The following CAMTA1 variants were observed in gnomAD, a reference collection of about 807,000 sequenced individuals.
The protein encoded by CAMTA1 is calmodulin-binding transcription activator 1.
Under a neutral mutation model 170.9 loss-of-function variants are expected in CAMTA1, and 27 were observed. That is an observed-to-expected ratio of 0.16 (90% CI 0.12 to 0.22). The LOEUF (loss-of-function observed/expected upper bound fraction) is 0.22, where lower values mean the gene tolerates loss of function less well. CAMTA1 is among the 10% of genes least tolerant of loss of function. CAMTA1 has a pLI of 1.00. For missense variants in CAMTA1, 1,619 were observed against 2,217.2 expected (o/e 0.73, Z 5.42); for synonymous variants, 833 against 891.5 (o/e 0.93, Z 1.17).
At chr1:7,648,725 C>G (rs1467360558) in intron 7 of CAMTA1, among the ~76,000 whole-genome samples, 3 of 152,232 alleles carry the variant, frequency 2.0e-5, no homozygotes, top group Admixed American at 6.5e-5. Context: ...AAAGCCTGAG[C>G]AGAGACAATG....
At chr1:7,100,549 A>G (rs1642596292) in intron 4 of CAMTA1, among the ~76,000 whole-genome samples, 1 of 152,194 alleles carries the variant, frequency 6.6e-6, no homozygotes, top group South Asian at 2.1e-4. Context: ...GCAGAAAGAA[A>G]TGCCTCAAAG....
rs1221645203 is a variant in CAMTA1 at position 6,898,394 on chromosome 1, A to G, written c.234+73184A>G. On this transcript the variant is annotated intron_variant, in intron 3 of 22. Transcript: ENST00000303635. ...CGGTGAAACCCCGTCTCTACTAAAA[A>G]TAGAAAAAATTAGCTGGGCATGGTG... Among the ~76,000 whole-genome samples the G allele has an allele frequency of 3.3e-5, 5 of 152,260 alleles. No individual in the cohort carries two copies. The East Asian group carries it at 9.7e-4, about 29-fold the overall frequency.
chr1:7,483,749 A>G (rs186498006), intron 6 of CAMTA1, among the ~76,000 whole-genome samples: 40 of 152,138 alleles, frequency 2.6e-4, no homozygotes, highest in Middle Eastern at 6.8e-3. Flanking sequence ...GGGAAACCTC[A>G]CCTTCCTGCA....
chr1:7,731,614 G>C (rs1215973998), intron 11 of CAMTA1, among the ~76,000 whole-genome samples: 2 of 151,234 alleles, frequency 1.3e-5, no homozygotes, highest in Non-Finnish European at 2.9e-5. Context: ...GGCTGAGTAC[G>C]GTGGTTCACA....
At chr1:7,721,348 A>T (rs1056320900) in intron 11 of CAMTA1, among the ~76,000 whole-genome samples, 2 of 152,216 alleles carry the variant, frequency 1.3e-5, no homozygotes, top group Non-Finnish European at 2.9e-5. Flanking sequence ...CAGCTTCCTC[A>T]TCCGAAAATG....
At chr1:6,815,309 A>G (rs1303463052) in intron 1 of CAMTA1, among the ~76,000 whole-genome samples, 2 of 151,976 alleles carry the variant, frequency 1.3e-5, no homozygotes, top group African/African-American at 4.8e-5. Context: ...GGCTCAAGCA[A>G]TCCGCCTGCC....
rs1165096217 is a variant in CAMTA1, at chr1:7,685,192, T to C, written c.2914+7459T>C. Among the ~76,000 whole-genome samples, 1 of 152,152 alleles carries C rather than the reference T, an allele frequency of 6.6e-6. No homozygotes were observed. The highest frequency in any genetic ancestry group is 6.5e-5 in the Admixed American group (1 of 15,282). On this transcript the variant is annotated intron_variant, in intron 11 of 22. Coordinates refer to ENST00000303635, the MANE Select transcript of CAMTA1 (RefSeq NM_015215.4). This position sits in a 1 kb window ranked among gnomAD's most constrained non-coding sequence, Gnocchi z 5.7. ...CACAGGTGGTGTGTTTTAAGGAGCA[T>C]CACAGGAAGTACAGTTCCGTTCAGT...
chr1:7,419,405 C>T (rs2091413127), intron 5 of CAMTA1, among the ~76,000 whole-genome samples: 1 of 152,198 alleles, frequency 6.6e-6, no homozygotes, highest in Admixed American at 6.5e-5. Flanking sequence ...GATCTGCCCA[C>T]CTCGGCCTCC....
rs2086367099 is a variant in CAMTA1, at chr1:7,370,583, CTT to C, written c.439-97246_439-97245del. ...TTTAACATTTCATGTTCCACAGACT[CTT>C]ATTTATTGACACGTATTAGTGTTCA... On this transcript the variant is annotated intron_variant, in intron 5 of 22. Coordinates refer to ENST00000303635, the MANE Select transcript of CAMTA1 (RefSeq NM_015215.4). Among the ~76,000 whole-genome samples, 7 of 152,294 alleles carry C rather than the reference CTT, an allele frequency of 4.6e-5. No homozygotes were observed. In the South Asian group the frequency reaches 1.4e-3, roughly 32 times the overall value.
Position 6,965,947 on chromosome 1 carries a change from T to C in CAMTA1, c.235-125357T>C, listed in dbSNP as rs1007042754. On this transcript the variant is annotated intron_variant, in intron 3 of 22. Coordinates refer to ENST00000303635, the MANE Select transcript of CAMTA1 (RefSeq NM_015215.4). The surrounding 1 kb of genome is among the most constrained non-coding windows in gnomAD (Gnocchi z 4.1). ...TAGATTTTCTGTCTTGGGATCTTTC[T>C]GGGACTGGTCGCAGCAGCTTCCTAG... Among the ~76,000 whole-genome samples the C allele has an allele frequency of 2.0e-5, 3 of 152,144 alleles. No homozygotes were observed. Among genetic ancestry groups the C allele is most frequent in the African/African-American group, 7.2e-5 (3 of 41,432 alleles).
At chr1:7,129,598 A>G (rs1249843092) in intron 4 of CAMTA1, among the ~76,000 whole-genome samples, 1 of 152,206 alleles carries the variant, frequency 6.6e-6, no homozygotes, top group Non-Finnish European at 1.5e-5. Context: ...TATCTGTGAA[A>G]TGGAGACATT....
intron 3 of CAMTA1, among the ~76,000 whole-genome samples, chr1:7,069,328 C>T (rs6662527): frequency 0.54 from 82,177 of 152,052 alleles, 23,099 homozygotes; most frequent in South Asian, 0.63. Flanking sequence ...ACTGACTTGC[C>T]CAGGGTCACA....
At chr1:7,483,200 G>T (rs1317916856) in intron 6 of CAMTA1, among the ~76,000 whole-genome samples, 1 of 152,150 alleles carries the variant, frequency 6.6e-6, no homozygotes, top group African/African-American at 2.4e-5. Flanking sequence ...ATGAAGGAGG[G>T]TTGCATGGAT....
At chr1:6,983,001 G>A (rs187389789) in intron 3 of CAMTA1, among the ~76,000 whole-genome samples, 87 of 152,242 alleles carry the variant, frequency 5.7e-4, no homozygotes, top group African/African-American at 1.9e-3. Flanking sequence ...TTTCTGGAGC[G>A]GGGAGCCTCT....
intron 1 of CAMTA1, among the ~76,000 whole-genome samples, chr1:6,801,814 TAAAA>T (rs34313253): frequency 0.088 from 12,498 of 141,508 alleles, 708 homozygotes; most frequent in Non-Finnish European, 0.14. Flanking sequence ...AATCACACAT[TAAAA>T]AAAAAAAAAA....
chr1:7,543,009 C>T (rs768708308), intron 6 of CAMTA1, among the ~76,000 whole-genome samples: 14 of 152,092 alleles, frequency 9.2e-5, no homozygotes, highest in Non-Finnish European at 1.9e-4. Context: ...GGACTACAGG[C>T]GCCCTCCACT....
At chr1:6,990,334 A>C (rs1262138168) in intron 3 of CAMTA1, among the ~76,000 whole-genome samples, 2 of 152,190 alleles carry the variant, frequency 1.3e-5, no homozygotes, top group African/African-American at 4.8e-5. Context: ...TCAAACGTAA[A>C]GAAGAGTTGA....
chr1:6,961,933 G>A (rs1009837050), intron 3 of CAMTA1, among the ~76,000 whole-genome samples: 8 of 152,186 alleles, frequency 5.3e-5, no homozygotes, highest in Admixed American at 4.6e-4. Context: ...CCTGGGGAGG[G>A]AGGGAAGGCG....
chr1:7,687,461 C>A (rs2096268717), intron 11 of CAMTA1, among the ~76,000 whole-genome samples: 1 of 152,054 alleles, frequency 6.6e-6, no homozygotes, highest in African/African-American at 2.4e-5. Flanking sequence ...GCTGGAAAAT[C>A]CAGGTGACAC....
Sources: allele counts gnomAD v4.1 joint callset (sites outside exome capture counted in the v4.1 genomes callset), GRCh38; gene constraint gnomAD v4.1.1; non-coding constraint Gnocchi (gnomAD v3.1); transcripts MANE v1.5; gene names NCBI Gene and HGNC (gene_info 2026-07-23, HGNC 2026-07-21).